The following NKAIN2 variants were observed in gnomAD, a reference collection of about 807,000 sequenced individuals.
NKAIN2 encodes the protein sodium/potassium-transporting ATPase subunit beta-1-interacting protein 2.
Under a neutral mutation model 32.6 loss-of-function variants are expected in NKAIN2, and 14 were observed. The observed-to-expected ratio is 0.43, with a 90% CI of 0.28 to 0.67. The LOEUF is 0.67. Ranked by LOEUF, NKAIN2 falls within the 30% of genes least tolerant of loss-of-function variation. NKAIN2 has a pLI of 0.17. For synonymous variants in NKAIN2, 80 were observed against 87.2 expected (o/e 0.92, Z 0.46); for missense variants, 198 against 258.3 (o/e 0.77, Z 1.60).
chr6:124,817,331 G>C (rs1230152982), intron 5 of NKAIN2, among the ~76,000 whole-genome samples: 2 of 152,042 alleles, frequency 1.3e-5, no homozygotes, highest in East Asian at 3.9e-4. Flanking sequence ...ATGTGGCCCA[G>C]GGAAGCCAAA....
rs377134273 is a variant in NKAIN2 at position 124,687,009 on chromosome 6, T to G, written c.474+28623T>G. 2.0e-5 allele frequency among the ~76,000 whole-genome samples: 3 copies of G among 152,150 alleles called. No homozygotes were observed. The East Asian group carries it at 5.8e-4, about 30-fold the overall frequency. On this transcript the variant is annotated intron_variant, in intron 4 of 6. Coordinates refer to ENST00000368417, the MANE Select transcript of NKAIN2 (RefSeq NM_001040214.3). ...CTCCTGTGCTGGATACTTCCTGCCC[T>G]TGAACATCAGACTCCAAGTTCTTCA...
intron 1 of NKAIN2, among the ~76,000 whole-genome samples, chr6:123,811,422 TG>T (rs1174453175): frequency 5.9e-4 from 2 of 3,372 alleles, no homozygotes; most frequent in Non-Finnish European, 9.6e-4. Context: ...GTGGGGGTTG[TG>T]GGGGGGTGGG....
At chr6:124,422,670 C>CA (rs368007267) in intron 3 of NKAIN2, among the ~76,000 whole-genome samples, 4 of 152,162 alleles carry the variant, frequency 2.6e-5, no homozygotes, top group East Asian at 1.9e-4. Flanking sequence ...ACAACAATTA[C>CA]AAAAAACAGC....
chr6:124,704,071 G>A (rs1286715283), intron 4 of NKAIN2, among the ~76,000 whole-genome samples: 4 of 151,924 alleles, frequency 2.6e-5, no homozygotes, highest in Non-Finnish European at 5.9e-5. Flanking sequence ...AAACGTTGGT[G>A]TAGATCATGA....
At chr6:124,150,792 A>G (rs1400434626) in intron 1 of NKAIN2, among the ~76,000 whole-genome samples, 1 of 152,176 alleles carries the variant, frequency 6.6e-6, no homozygotes, top group Non-Finnish European at 1.5e-5. Context: ...TCAAGAACTT[A>G]CAAACTTAGA....
chr6:124,359,087 A>G (rs1225720287), intron 3 of NKAIN2, among the ~76,000 whole-genome samples: 1 of 152,064 alleles, frequency 6.6e-6, no homozygotes, highest in African/African-American at 2.4e-5. Flanking sequence ...AGTTGTAGAT[A>G]TGCAGCATTA....
intron 3 of NKAIN2, among the ~76,000 whole-genome samples, chr6:124,624,513 A>G (rs1783229565): frequency 6.6e-6 from 1 of 152,186 alleles, no homozygotes; most frequent in South Asian, 2.1e-4. Flanking sequence ...TGCTGTCATG[A>G]GGTGGTGGGA....
intron 1 of NKAIN2, among the ~76,000 whole-genome samples, chr6:124,275,805 A>T (rs2753145): frequency 0.071 from 10,607 of 148,956 alleles, 1,212 homozygotes; most frequent in African/African-American, 0.25. Context: ...CATGATTTCA[A>T]ATTTGTATTG....
intron 1 of NKAIN2, among the ~76,000 whole-genome samples, chr6:123,929,127 T>G (rs571646387): frequency 1.3e-5 from 2 of 152,300 alleles, no homozygotes; most frequent in South Asian, 4.1e-4. Context: ...GAGGTTCTGA[T>G]GTACTGACTG....
chr6:124,027,576 A>G (rs1323735480), intron 1 of NKAIN2, among the ~76,000 whole-genome samples: 5 of 152,168 alleles, frequency 3.3e-5, no homozygotes, highest in African/African-American at 7.2e-5. Flanking sequence ...GGAAACGCGT[A>G]TGTATCATTT....
chr6:123,997,630 GTC>G (rs1779684791), intron 1 of NKAIN2, among the ~76,000 whole-genome samples: 1 of 126,368 alleles, frequency 7.9e-6, no homozygotes, highest in South Asian at 2.5e-4. Context: ...TTGAGACAGA[GTC>G]TCGCTCTGTT....
intron 1 of NKAIN2, among the ~76,000 whole-genome samples, chr6:123,907,885 C>T (rs1369371990): frequency 6.6e-6 from 1 of 152,132 alleles, no homozygotes; most frequent in Non-Finnish European, 1.5e-5. Flanking sequence ...GTATCTTTCT[C>T]GTGTTTCATA....
intron 3 of NKAIN2, among the ~76,000 whole-genome samples, chr6:124,652,392 T>C (rs1784398050): frequency 6.6e-6 from 1 of 152,218 alleles, no homozygotes; most frequent in South Asian, 2.1e-4. Flanking sequence ...GAATCGTCTG[T>C]AATCCTCCAT....
intron 1 of NKAIN2, among the ~76,000 whole-genome samples, chr6:124,166,995 A>T (rs1380733179): frequency 6.6e-6 from 1 of 151,098 alleles, no homozygotes; most frequent in East Asian, 1.9e-4. Context: ...TGACTTGGGG[A>T]TGCGGGCTCT....
intron 1 of NKAIN2, among the ~76,000 whole-genome samples, chr6:124,257,390 G>A (rs767827324): frequency 2.0e-5 from 3 of 152,100 alleles, no homozygotes; most frequent in Non-Finnish European, 4.4e-5. Flanking sequence ...GCTCTTAGGA[G>A]CTCAGAGTAT....
At chr6:124,213,519 G>A (rs1278343772) in intron 1 of NKAIN2, among the ~76,000 whole-genome samples, 1 of 152,014 alleles carries the variant, frequency 6.6e-6, no homozygotes, top group Non-Finnish European at 1.5e-5. Flanking sequence ...CCAGAGGAGT[G>A]AGATAAACAT....
At chr6:123,980,466 G>A (rs1452087833) in intron 1 of NKAIN2, among the ~76,000 whole-genome samples, 1 of 152,186 alleles carries the variant, frequency 6.6e-6, no homozygotes, top group Non-Finnish European at 1.5e-5. Context: ...GGGTTAGTGA[G>A]GTAGAGGTTT....
chr6:124,161,662 C>A (rs549649274), intron 1 of NKAIN2, among the ~76,000 whole-genome samples: 1 of 152,024 alleles, frequency 6.6e-6, no homozygotes, highest in Non-Finnish European at 1.5e-5. Context: ...GGTGCAGAAA[C>A]TTTCAAAACA....
chr6:124,042,991 G>T (rs1156265866), intron 1 of NKAIN2, among the ~76,000 whole-genome samples: 1 of 151,922 alleles, frequency 6.6e-6, no homozygotes, highest in Non-Finnish European at 1.5e-5. Flanking sequence ...GTAATAATTT[G>T]CTTATTTTGA....
Sources: gnomAD v4.1 joint callset for allele counts (sites outside exome capture counted in the v4.1 genomes callset) on GRCh38, gnomAD v4.1.1 for gene constraint, MANE v1.5 for transcripts, NCBI Gene and HGNC (gene_info 2026-07-23, HGNC 2026-07-21) for gene names.